PCDHA4: variants seen among roughly 807,000 people sequenced by gnomAD.
The protein encoded by PCDHA4 is protocadherin alpha 4, also known as protocadherin alpha-4.
PCDHA4 carries 49 observed loss-of-function variants against 61.4 expected under a neutral mutation model. That is an observed-to-expected ratio of 0.80 (90% CI 0.63 to 1.01). The LOEUF is 1.01. Among genes scored for constraint, PCDHA4 ranks in the 50% least tolerant of loss-of-function variants. PCDHA4 has a pLI of 0.00. For synonymous variants in PCDHA4, 590 were observed against 550.3 expected (o/e 1.07, Z -1.01); for missense variants, 1,254 against 1,235.8 (o/e 1.01, Z -0.22).
intron 1 of PCDHA4, among the ~76,000 whole-genome samples, chr5:140,921,151 AT>A (rs11299094): frequency 0.63 from 94,902 of 151,506 alleles, 30,179 homozygotes; most frequent in African/African-American, 0.71. Flanking sequence ...CAGCTAATGC[AT>A]TTTTTTTTTA....
chr5:141,010,499 T>C lies in PCDHA4; in HGVS notation c.*562T>C. ...GTGTAAACTTAAAGGGACCAGACTTTCTAAATCTTACAACTCAAGAGGTGG... is the reference window on the plus strand; with the variant it reads ...GTGTAAACTTAAAGGGACCAGACTTCCTAAATCTTACAACTCAAGAGGTGG... On this transcript the variant is annotated 3_prime_UTR_variant, in exon 4 of 4. Coordinates refer to ENST00000530339, the MANE Select transcript of PCDHA4 (RefSeq NM_018907.4). 1.7e-6 allele frequency: 1 copy of C among 586,170 alleles called. No individual in the cohort carries two copies. Among genetic ancestry groups the C allele is most frequent in the Non-Finnish European group, 2.7e-6 (1 of 372,458 alleles). 36.3% of individuals were successfully genotyped at this position (586,170 alleles called of 1,614,324 possible).
rs1221684887 is a variant in PCDHA4, at chr5:140,822,310, T to G, written c.2385+12738T>G. The G allele has an allele frequency of 2.5e-6, 4 of 1,614,088 alleles. No homozygotes were observed. In the African/African-American group the frequency reaches 4.0e-5, roughly 16 times the overall value. ...GTTAAATCCAAACGAATATTTTGACTTAGATGTTAAAACAAATGAAGAAGA... is the reference window on the plus strand; with the variant it reads ...GTTAAATCCAAACGAATATTTTGACGTAGATGTTAAAACAAATGAAGAAGA... On this transcript the variant is annotated intron_variant, in intron 1 of 3. Transcript: ENST00000530339.
At chr5:140,861,535 G>A (rs1014652583) in intron 1 of PCDHA4, 3 of 446,466 alleles carry the variant, frequency 6.7e-6, no homozygotes, top group East Asian at 1.3e-4. Context: ...TCGGAGTGCA[G>A]CATCCACCTG....
At chr5:140,872,512 A>T (rs2053716713) in intron 1 of PCDHA4, among the ~76,000 whole-genome samples, 1 of 152,126 alleles carries the variant, frequency 6.6e-6, no homozygotes, top group Admixed American at 6.5e-5. Context: ...CTGTAGTCCC[A>T]GTTTCTTGGG....
chr5:140,866,357 A>G (rs1397788324), intron 1 of PCDHA4: 1 of 152,156 alleles, frequency 6.6e-6, no homozygotes, highest in Non-Finnish European at 1.5e-5. Flanking sequence ...AATGTTTACA[A>G]TATTGCATAC....
At chr5:140,830,595 A>T (rs1211988940) in intron 1 of PCDHA4, 21 of 702,108 alleles carry the variant, frequency 3.0e-5, no homozygotes, top group Non-Finnish European at 4.4e-5. Flanking sequence ...ATTTTACAAA[A>T]TTACATATTT....
At chr5:140,836,531 G>A in intron 1 of PCDHA4, 2 of 1,613,844 alleles carry the variant, frequency 1.2e-6, no homozygotes, top group South Asian at 2.2e-5. Context: ...TTACCCTGCT[G>A]CTGTACACGG....
chr5:140,834,506 T>C (rs2150220079), intron 1 of PCDHA4: 63 of 1,614,028 alleles, frequency 3.9e-5, no homozygotes, highest in Admixed American at 2.2e-4. Flanking sequence ...AGGCTAAACA[T>C]GGCAACTTCG....
chr5:140,903,317 A>G (rs1364222131), intron 1 of PCDHA4, among the ~76,000 whole-genome samples: 1 of 152,204 alleles, frequency 6.6e-6, no homozygotes, highest in African/African-American at 2.4e-5. Context: ...TAAAGACAGC[A>G]TTTTTATTGA....
At chr5:140,848,371 A>C in intron 1 of PCDHA4, 2 of 1,131,148 alleles carry the variant, frequency 1.8e-6, no homozygotes, top group South Asian at 3.0e-5. Context: ...AAAGAGGCTC[A>C]ATTCTTTTTC....
chr5:140,905,160 A>G (rs1554191931), intron 1 of PCDHA4, among the ~76,000 whole-genome samples: 2 of 152,304 alleles, frequency 1.3e-5, no homozygotes, highest in East Asian at 1.9e-4. Flanking sequence ...TAGAATTTTC[A>G]TGGTTTCAGG....
intron 1 of PCDHA4, among the ~76,000 whole-genome samples, chr5:140,887,915 C>T (rs566586212): frequency 6.6e-6 from 1 of 152,290 alleles, no homozygotes; most frequent in Non-Finnish European, 1.5e-5. Flanking sequence ...GTGTATTCTT[C>T]ATTTCAGAGA....
At chr5:141,006,813 T>C (rs1171771789) in intron 3 of PCDHA4, among the ~76,000 whole-genome samples, 1 of 152,018 alleles carries the variant, frequency 6.6e-6, no homozygotes, top group African/African-American at 2.4e-5. Flanking sequence ...GCTTGAGAAA[T>C]GGGGTAAATG....
At chr5:140,875,807 G>A in intron 1 of PCDHA4, 1 of 1,614,206 alleles carries the variant, frequency 6.2e-7, no homozygotes, top group South Asian at 1.1e-5. Flanking sequence ...ATCGTGGACA[G>A]GCCGCTGCAG....
At position 140,809,055 on chromosome 5, in the gene PCDHA4, G is replaced by A. The variant is rs576133564; in HGVS notation, c.1868G>A (p.Arg623His). Residue 623 changes from arginine (R) to histidine (H), a missense_variant, in exon 1 of 4, where the codon CGC becomes CAC. Physicochemically the swap from Arg to His is conservative, Grantham distance 29. Coordinates refer to ENST00000530339, the MANE Select transcript of PCDHA4 (RefSeq NM_018907.4). The part of the protein sequence containing the change: ...PGTGGARIPF[R>H]VGLYTGEIST... Reference sequence around the variant, plus strand: ...ACTGGTGGCGCGCGCATCCCGTTCCGCGTGGGGCTGTACACTGGCGAGATC... The same window carrying A: ...ACTGGTGGCGCGCGCATCCCGTTCCACGTGGGGCTGTACACTGGCGAGATC... 2.1e-5 allele frequency: 34 copies of A among 1,613,866 alleles called. No homozygotes were observed. The South Asian group carries it at 3.0e-4, about 14-fold the overall frequency.
At chr5:141,002,702 G>A (rs2153975030) in intron 3 of PCDHA4, among the ~76,000 whole-genome samples, 1 of 152,294 alleles carries the variant, frequency 6.6e-6, no homozygotes, top group South Asian at 2.1e-4. Context: ...GTTTAACTCT[G>A]TTGCACACAC....
intron 1 of PCDHA4, among the ~76,000 whole-genome samples, chr5:140,832,961 A>G (rs1772233223): frequency 6.6e-6 from 1 of 152,194 alleles, no homozygotes; most frequent in African/African-American, 2.4e-5. Context: ...TATACAGAAA[A>G]TTCCAAATGT....
At chr5:140,861,018 C>A (rs1263823889) in intron 1 of PCDHA4, 4 of 152,248 alleles carry the variant, frequency 2.6e-5, no homozygotes, top group Non-Finnish European at 4.4e-5. Flanking sequence ...CGAGTGCCAC[C>A]GCACCCGGCC....
intron 1 of PCDHA4, chr5:140,850,435 T>G: frequency 1.3e-6 from 2 of 1,597,644 alleles, no homozygotes; most frequent in Middle Eastern, 1.7e-4. Flanking sequence ...CGCCAGCGCC[T>G]ACTGGTGCTG....
Sources: allele counts gnomAD v4.1 joint callset (sites outside exome capture counted in the v4.1 genomes callset), GRCh38; gene constraint gnomAD v4.1.1; transcripts MANE v1.5; gene names NCBI Gene and HGNC (gene_info 2026-07-23, HGNC 2026-07-21).